Variants in ADAM10 observed in about 807,000 individuals in gnomAD.
ADAM10 encodes disintegrin and metalloproteinase domain-containing protein 10.
In ADAM10, 17 loss-of-function variants were observed where a neutral mutation model predicts 90.1. The ratio of observed to expected loss-of-function variants is 0.19; its 90% CI spans 0.13 to 0.28. The LOEUF is 0.28. Among genes scored for constraint, ADAM10 ranks in the 10% least tolerant of loss-of-function variants. ADAM10 has a pLI of 1.00. For missense variants in ADAM10, 610 were observed against 914.3 expected (o/e 0.67, Z 4.29); for synonymous variants, 310 against 298.6 (o/e 1.04, Z -0.40).
intron 1 of ADAM10, among the ~76,000 whole-genome samples, chr15:58,747,007 C>T (rs1049171711): frequency 5.3e-5 from 8 of 152,138 alleles, no homozygotes; most frequent in Non-Finnish European, 1.0e-4. Context: ...CAGTAATGTA[C>T]AAAGCTAAGC....
At chr15:58,650,039 TTTG>T (rs1239953258) in intron 5 of ADAM10, among the ~76,000 whole-genome samples, 3 of 152,218 alleles carry the variant, frequency 2.0e-5, no homozygotes, top group Non-Finnish European at 2.9e-5. Context: ...ATTCCTAATT[TTTG>T]TTGTTAACAT....
At chr15:58,629,100 G>GA (rs1336386619) in intron 9 of ADAM10, among the ~76,000 whole-genome samples, 1 of 152,000 alleles carries the variant, frequency 6.6e-6, no homozygotes. Flanking sequence ...AGAAAGGAAA[G>GA]AAAAAAATCC....
intron 5 of ADAM10, among the ~76,000 whole-genome samples, chr15:58,663,943 T>A (rs1294533743): frequency 6.6e-6 from 1 of 152,112 alleles, no homozygotes; most frequent in Admixed American, 6.5e-5. Context: ...CAGTCTATAA[T>A]CTCAACCCCT....
At chr15:58,709,414 G>A (rs1409065523) in intron 2 of ADAM10, among the ~76,000 whole-genome samples, 3 of 152,114 alleles carry the variant, frequency 2.0e-5, no homozygotes, top group Non-Finnish European at 4.4e-5. Flanking sequence ...TCACTGTCTA[G>A]GTCACCAACT....
At chr15:58,691,587 G>A (rs746545341) in intron 2 of ADAM10, 5 of 485,840 alleles carry the variant, frequency 1.0e-5, no homozygotes, top group East Asian at 5.5e-5. Flanking sequence ...TCCAAGCCAC[G>A]AGATTTTAGA....
intron 2 of ADAM10, among the ~76,000 whole-genome samples, chr15:58,685,578 A>ATG (rs1252557860): frequency 1.1e-4 from 16 of 139,654 alleles, no homozygotes; most frequent in Admixed American, 1.4e-4. Context: ...ATATATATAT[A>ATG]TATATGTATA....
At chr15:58,655,710 A>ATAT (rs1566982335) in intron 5 of ADAM10, among the ~76,000 whole-genome samples, 1 of 44,202 alleles carries the variant, frequency 2.3e-5, no homozygotes, top group Non-Finnish European at 4.6e-5. Context: ...ATATATATAT[A>ATAT]GTATATATAT....
chr15:58,604,541 T>C (rs1335725978), intron 14 of ADAM10, among the ~76,000 whole-genome samples: 2 of 152,304 alleles, frequency 1.3e-5, no homozygotes, highest in South Asian at 2.1e-4. Context: ...CCTCAGTACC[T>C]ACCCAACAAA....
chr15:58,667,759 CTTT>C (rs113725859), intron 4 of ADAM10, among the ~76,000 whole-genome samples: 1 of 144,102 alleles, frequency 6.9e-6, no homozygotes. Flanking sequence ...AAAGGATAGG[CTTT>C]TTTTTTTTTC....
rs1218483023 is a variant in ADAM10, at chr15:58,589,065, G to C, written c.*8482C>G. ...TTAAAAGTTAAAAATACAGCTGTTG[G>C]TAATGTGTTGTAATGAAACTAACTT... On this transcript the variant is annotated 3_prime_UTR_variant, in exon 16 of 16. Transcript: ENST00000260408. 3 of 152,216 alleles carry C rather than the reference G, an allele frequency of 2.0e-5. No individual in the cohort carries two copies. The highest frequency in any genetic ancestry group is 7.2e-5 in the African/African-American group (3 of 41,464). The allele number at this position is 152,216 out of a possible 1,614,324, so 9.4% of individuals were successfully genotyped here. A position where few individuals can be genotyped will look rare whatever the true frequency, so the allele number is the denominator to read the frequency against.
intron 1 of ADAM10, among the ~76,000 whole-genome samples, chr15:58,719,606 T>C (rs1333622333): frequency 2.0e-5 from 3 of 152,232 alleles, no homozygotes; most frequent in African/African-American, 7.2e-5. Context: ...TGTCAGATTA[T>C]CTGGGTTCAA....
chr15:58,695,183 C>G (rs1897942021), intron 2 of ADAM10, among the ~76,000 whole-genome samples: 1 of 152,084 alleles, frequency 6.6e-6, no homozygotes, highest in South Asian at 2.1e-4. Context: ...CAAATAACTC[C>G]CAGGGCTTCC....
At chr15:58,688,029 C>G (rs772212682) in intron 2 of ADAM10, among the ~76,000 whole-genome samples, 5 of 152,106 alleles carry the variant, frequency 3.3e-5, no homozygotes, top group Admixed American at 6.6e-5. Flanking sequence ...GAATTATGCA[C>G]AGGCACACAC....
Position 58,597,497 on chromosome 15 carries a change from TGAA to T in ADAM10, c.*47_*49del, listed in dbSNP as rs1187683386. On this transcript the variant is annotated 3_prime_UTR_variant, in exon 16 of 16. Transcript: ENST00000260408. ...TGACTTAATAGGTTTCTCTTTGGAG[TGAA>T]GTTTTCCCATTGTAGGCACTAGGAA... 3 of 1,613,876 alleles carry T rather than the reference TGAA, an allele frequency of 1.9e-6. No homozygotes were observed. Among genetic ancestry groups the T allele is most frequent in the Non-Finnish European group, 2.5e-6 (3 of 1,179,916 alleles).
chr15:58,644,550 G>T (rs978404845), intron 6 of ADAM10, among the ~76,000 whole-genome samples: 1 of 152,080 alleles, frequency 6.6e-6, no homozygotes, highest in Non-Finnish European at 1.5e-5. Context: ...TCTTGTTTCA[G>T]TCACATAAAA....
At chr15:58,651,224 C>T (rs1029567911) in intron 5 of ADAM10, among the ~76,000 whole-genome samples, 2 of 152,056 alleles carry the variant, frequency 1.3e-5, no homozygotes, top group Non-Finnish European at 2.9e-5. Context: ...GCATCCATCC[C>T]CTCAAGCATT....
At chr15:58,700,444 A>G (rs1246487916) in intron 2 of ADAM10, among the ~76,000 whole-genome samples, 1 of 152,210 alleles carries the variant, frequency 6.6e-6, no homozygotes, top group Non-Finnish European at 1.5e-5. Context: ...AACTGTACAA[A>G]TACATGAAAA....
Position 58,679,213 on chromosome 15 carries a change from C to T in ADAM10, c.395G>A (p.Gly132Asp). ...TGCTGGCTCAACATAAAATGTGCCACCACGAGTCTGGATGAATCCTTCAAA... is the reference window on the plus strand; with the variant it reads ...TGCTGGCTCAACATAAAATGTGCCATCACGAGTCTGGATGAATCCTTCAAA... ...GRFEGFIQTRGGTFYVEPAER... is the reference protein window; with the variant it reads ...GRFEGFIQTRDGTFYVEPAER... The change falls in exon 4 of 16, where the codon GGT becomes GAT. Residue 132 changes from glycine to aspartate, a missense_variant. By Grantham distance (94) the Gly-to-Asp change is moderately conservative. Around this residue, in one of 4 missense-constraint regions of ADAM10, gnomAD observed 310 missense variants for 362.4 expected, o/e 0.86. Coordinates refer to ENST00000260408, the MANE Select transcript of ADAM10 (RefSeq NM_001110.4). 6.2e-7 allele frequency: 1 copy of T among 1,614,018 alleles called. No homozygotes were observed. Among genetic ancestry groups the T allele is most frequent in the African/African-American group, 1.3e-5 (1 of 75,028 alleles).
chr15:58,697,391 A>C (rs1595630832), intron 2 of ADAM10, among the ~76,000 whole-genome samples: 1 of 151,738 alleles, frequency 6.6e-6, no homozygotes, highest in South Asian at 2.1e-4. Context: ...GGATCACCCC[A>C]CCCCTGCCTA....
Sources: allele counts gnomAD v4.1 joint callset (sites outside exome capture counted in the v4.1 genomes callset), GRCh38; gene constraint gnomAD v4.1.1; regional missense constraint gnomAD v4.1.1; transcripts MANE v1.5; gene names NCBI Gene and HGNC (gene_info 2026-07-23, HGNC 2026-07-21).